Variants in SAMD5 observed in about 807,000 individuals in gnomAD.
SAMD5 encodes sterile alpha motif domain-containing protein 5.
Under a neutral mutation model 11.3 loss-of-function variants are expected in SAMD5, and 13 were observed. The observed-to-expected ratio is 1.15, with a 90% CI of 0.75 to 1.83. SAMD5 has a LOEUF of 1.83. Ranked by LOEUF, SAMD5 falls within the 40% of genes most tolerant of loss-of-function variation. The probability of loss-of-function intolerance (pLI) is 0.00; values close to 1 mark genes in which losing one functional copy is unlikely to be tolerated. For missense variants in SAMD5, 255 were observed against 239.1 expected, an observed-to-expected ratio of 1.07 and a Z score of -0.44; for synonymous variants, 129 against 111.3, an observed-to-expected ratio of 1.16 and a Z score of -1.00.
In SAMD5 at chr6:147,709,872, C is replaced by CTGCT. The variant is rs541308320; in HGVS notation, c.163-27444_163-27441dup. Among the ~76,000 whole-genome samples the CTGCT allele has an allele frequency of 3.9e-4, 60 of 152,258 alleles. No individual in the cohort carries two copies. The East Asian group carries it at 8.9e-3, about 23-fold the overall frequency. ...TTCATTTGTGGCCTCGCTATCTTAA[C>CTGCT]TGCTATACCTCCTCCACCATACTTC... On this transcript the variant is annotated intron_variant, in intron 1 of 1. Transcript: ENST00000566741.
the SAMD5 span, among the ~76,000 whole-genome samples, chr6:147,762,912 C>A: frequency 6.6e-6 from 1 of 151,994 alleles, no homozygotes; most frequent in African/African-American, 2.4e-5. Flanking sequence ...ACTATTTAGA[C>A]AAATAATAGT....
intron 1 of SAMD5, among the ~76,000 whole-genome samples, chr6:147,656,725 G>C (rs1277486625): frequency 6.6e-6 from 1 of 152,122 alleles, no homozygotes; most frequent in Non-Finnish European, 1.5e-5. Context: ...CTGTTGGAGA[G>C]GATGTAAGGA....
intron 1 of SAMD5, among the ~76,000 whole-genome samples, chr6:147,519,466 A>G (rs908818385): frequency 1.5e-4 from 23 of 152,204 alleles, no homozygotes; most frequent in African/African-American, 5.5e-4. Flanking sequence ...CATTTACCAA[A>G]CTCAAGCATT....
At chr6:147,949,300 A>G in the SAMD5 span, among the ~76,000 whole-genome samples, 1 of 152,212 alleles carries the variant, frequency 6.6e-6, no homozygotes, top group Non-Finnish European at 1.5e-5. Flanking sequence ...GAACAAATAC[A>G]GTATATTTAA....
chr6:147,821,841 T>C, the SAMD5 span, among the ~76,000 whole-genome samples: 1 of 152,182 alleles, frequency 6.6e-6, no homozygotes, highest in Non-Finnish European at 1.5e-5. Context: ...TATGTCCCCA[T>C]TTCCAGCCCC....
chr6:147,858,909 T>C, the SAMD5 span, among the ~76,000 whole-genome samples: 2 of 152,146 alleles, frequency 1.3e-5, no homozygotes, highest in African/African-American at 4.8e-5. Context: ...CAAAAGTCCC[T>C]CTTGGGATTT....
the SAMD5 span, among the ~76,000 whole-genome samples, chr6:147,897,151 AG>A: frequency 1.3e-5 from 2 of 152,206 alleles, no homozygotes; most frequent in Non-Finnish European, 2.9e-5. Context: ...AAATGGGTGA[AG>A]TTTACGATAT....
intron 1 of SAMD5, among the ~76,000 whole-genome samples, chr6:147,626,435 T>C (rs1790051375): frequency 6.6e-6 from 1 of 151,930 alleles, no homozygotes; most frequent in Non-Finnish European, 1.5e-5. Flanking sequence ...GGACATTTTC[T>C]GATCTATGTT....
the SAMD5 span, among the ~76,000 whole-genome samples, chr6:147,848,178 C>T: frequency 6.6e-6 from 1 of 152,296 alleles, no homozygotes. Context: ...AGAGCATTTA[C>T]ACGATAAAAC....
rs1789080106 is a variant in SAMD5, at chr6:147,568,496, G to A, written c.*4040G>A. The A allele has an allele frequency of 1.0e-5, 10 of 985,386 alleles. No individual in the cohort carries two copies. The South Asian group carries it at 4.2e-4, about 42-fold the overall frequency. The allele number at this position is 985,386 out of a possible 1,614,324, so 61.0% of individuals were successfully genotyped here. On this transcript the variant is annotated 3_prime_UTR_variant, in exon 2 of 2. Transcript: ENST00000367474. ...CAAGGCAAATAAGGCATGAAGGGTG[G>A]AACATTGCATCTAGGGAAAATAAGA... is the stretch of plus-strand genomic sequence containing the variant.
the SAMD5 span, among the ~76,000 whole-genome samples, chr6:147,773,864 A>G: frequency 3.3e-5 from 5 of 152,032 alleles, no homozygotes; most frequent in African/African-American, 7.2e-5. Context: ...TTTTTAAGAG[A>G]CTGGGTTTCA....
the SAMD5 span, among the ~76,000 whole-genome samples, chr6:147,869,167 T>G: frequency 1.3e-5 from 2 of 152,224 alleles, no homozygotes; most frequent in Non-Finnish European, 2.9e-5. Flanking sequence ...GAATAATATG[T>G]GAATCAGTTA....
downstream of SAMD5, among the ~76,000 whole-genome samples, chr6:147,573,233 A>C (rs1369586173): frequency 6.6e-6 from 1 of 152,150 alleles, no homozygotes; most frequent in African/African-American, 2.4e-5. Flanking sequence ...TAAAGCTACT[A>C]CCTGAGACTG....
the SAMD5 span, among the ~76,000 whole-genome samples, chr6:147,880,001 A>C: frequency 6.6e-6 from 1 of 152,216 alleles, no homozygotes; most frequent in East Asian, 1.9e-4. Flanking sequence ...CTTAAGCAAA[A>C]TAATGAAGCC....
intron 1 of SAMD5, among the ~76,000 whole-genome samples, chr6:147,697,817 G>A (rs970869450): frequency 4.6e-5 from 7 of 152,050 alleles, no homozygotes; most frequent in South Asian, 2.1e-4. Flanking sequence ...CAGTTCCTGC[G>A]GATGGAACTC....
At chr6:147,934,200 A>G in the SAMD5 span, among the ~76,000 whole-genome samples, 11 of 152,354 alleles carry the variant, frequency 7.2e-5, no homozygotes, top group East Asian at 2.1e-3. Context: ...TGATTAGGAA[A>G]GAAGTCATTC....
chr6:147,795,772 A>G, the SAMD5 span, among the ~76,000 whole-genome samples: 1 of 149,352 alleles, frequency 6.7e-6, no homozygotes, highest in Non-Finnish European at 1.5e-5. Context: ...CTGGTGTGAG[A>G]TGGTATCTCA....
chr6:147,909,618 T>TCTCTCTC, the SAMD5 span, among the ~76,000 whole-genome samples: 2 of 76,420 alleles, frequency 2.6e-5, no homozygotes, highest in African/African-American at 1.7e-4. Flanking sequence ...CTTTCTTTCT[T>TCTCTCTC]TCTTTCTTTC....
At chr6:147,674,531 G>C (rs1008789859) in intron 1 of SAMD5, among the ~76,000 whole-genome samples, 1 of 152,114 alleles carries the variant, frequency 6.6e-6, no homozygotes, top group African/African-American at 2.4e-5. Context: ...TCCAACCAGG[G>C]TTTTGGGGTA....
Sources: gnomAD v4.1 joint callset for allele counts (sites outside exome capture counted in the v4.1 genomes callset) on GRCh38, gnomAD v4.1.1 for gene constraint, MANE v1.5 for transcripts, NCBI Gene and HGNC (gene_info 2026-07-23, HGNC 2026-07-21) for gene names.